ALMS1: variants seen among roughly 807,000 people sequenced by gnomAD.
ALMS1 encodes ALMS1 centrosome and basal body associated protein.
In ALMS1, 271 loss-of-function variants were observed where a neutral mutation model predicts 352.2. The ratio of observed to expected loss-of-function variants is 0.77; its 90% CI spans 0.70 to 0.85. ALMS1 has a LOEUF of 0.85. Ranked by LOEUF, ALMS1 falls within the 40% of genes least tolerant of loss-of-function variation. The pLI is 0.00. For missense variants in ALMS1, 5,445 were observed against 4,870.7 expected (o/e 1.12, Z -3.51); for synonymous variants, 1,865 against 1,761.2 (o/e 1.06, Z -1.48).
At chr2:73,461,893 G>A (rs1672211572) in intron 9 of ALMS1, among the ~76,000 whole-genome samples, 2 of 152,024 alleles carry the variant, frequency 1.3e-5, no homozygotes, top group Admixed American at 6.6e-5. Flanking sequence ...AGCGAGAAGG[G>A]AAGTTTAGAG....
At chr2:73,470,966 C>G (rs941043069) in intron 9 of ALMS1, 3 of 151,766 alleles carry the variant, frequency 2.0e-5, no homozygotes, top group Non-Finnish European at 2.9e-5. Context: ...TATTCCTTCA[C>G]TTTTAGCCTG....
intron 12 of ALMS1, among the ~76,000 whole-genome samples, chr2:73,544,575 G>A (rs1459407449): frequency 6.6e-6 from 1 of 152,166 alleles, no homozygotes; most frequent in Non-Finnish European, 1.5e-5. Context: ...CAGGGACATG[G>A]AGAAATTGGA....
chr2:73,446,283 G>A (rs2103767344), intron 7 of ALMS1, among the ~76,000 whole-genome samples: 1 of 152,068 alleles, frequency 6.6e-6, no homozygotes, highest in South Asian at 2.1e-4. Context: ...CCCATTCATG[G>A]TGTCACTAAT....
intron 9 of ALMS1, among the ~76,000 whole-genome samples, chr2:73,474,569 A>G (rs1672545147): frequency 6.6e-6 from 1 of 151,978 alleles, no homozygotes; most frequent in South Asian, 2.1e-4. Context: ...CCACCTCCCG[A>G]GCTCAAGCTA....
intron 9 of ALMS1, among the ~76,000 whole-genome samples, chr2:73,467,227 G>T (rs1457984654): frequency 6.6e-6 from 1 of 152,014 alleles, no homozygotes; most frequent in African/African-American, 2.4e-5. Flanking sequence ...AGGGTATTTC[G>T]GATACATATA....
chr2:73,550,506 C>T, intron 13 of ALMS1, 69 bp downstream of exon 13: 1 of 1,569,076 alleles, frequency 6.4e-7, no homozygotes, highest in Non-Finnish European at 8.7e-7. Flanking sequence ...GATTACTATC[C>T]AATCTTTATC....
At chr2:73,508,800 T>A (rs1673389410) in intron 10 of ALMS1, among the ~76,000 whole-genome samples, 1 of 152,196 alleles carries the variant, frequency 6.6e-6, no homozygotes, top group African/African-American at 2.4e-5. Flanking sequence ...CTCGTTGATT[T>A]GTCTAATATT....
intron 7 of ALMS1, among the ~76,000 whole-genome samples, chr2:73,436,321 C>T (rs982253290): frequency 2.6e-5 from 4 of 152,196 alleles, no homozygotes; most frequent in African/African-American, 4.8e-5. Context: ...CTTTGTCTTT[C>T]ACTTTCAGTA....
Position 73,572,286 on chromosome 2 carries a change from A to G in ALMS1, c.10409A>G (p.Glu3470Gly), listed in dbSNP as rs763958737. 6.2e-7 allele frequency: 1 copy of G among 1,607,956 alleles called. No individual in the cohort carries two copies. Among genetic ancestry groups the G allele is most frequent in the Non-Finnish European group, 8.5e-7 (1 of 1,178,408 alleles). The change falls in exon 16 of 23, where the codon GAA becomes GGA. Residue 3470 changes from glutamate (E) to glycine (G), a missense_variant. Transcript: ENST00000613296. ...IEESECHSEF[E>G]NTTRSVFRSA... Reference sequence around the variant, plus strand: ...GAGTCCGAATGTCATTCAGAATTTGAAAATACTACCCGTTCTGTCTTCAGG... The same window carrying G: ...GAGTCCGAATGTCATTCAGAATTTGGAAATACTACCCGTTCTGTCTTCAGG...
At chr2:73,486,614 T>G (rs10187416) in intron 9 of ALMS1, among the ~76,000 whole-genome samples, 55,106 of 152,132 alleles carry the variant, frequency 0.36, 13,357 homozygotes, top group African/African-American at 0.69. Flanking sequence ...GAAAACCCAG[T>G]GATTGCACCA....
At chr2:73,590,110 C>T (rs147232344) in intron 16 of ALMS1, among the ~76,000 whole-genome samples, 54 of 151,404 alleles carry the variant, frequency 3.6e-4, no homozygotes, top group African/African-American at 1.2e-3. Context: ...CTTTAATTTC[C>T]GTGGGAAGAG....
At position 73,448,697 on chromosome 2, in the gene ALMS1, AT is replaced by A. The variant is rs771459937; in HGVS notation, c.2176del (p.Tyr726ThrfsTer53). ...CCACTCACATAGAGAGAAGCCTGGT[AT>A]TTTTTACCAACAAGAGTTCGCAGAC... ...TPHSHREKPG[I>X]FYQQEFADSH... On this transcript the variant is annotated frameshift_variant, in exon 8 of 23. Transcript: ENST00000613296. LOFTEE classifies it high-confidence loss of function. 2 of 1,604,414 alleles carry A rather than the reference AT, an allele frequency of 1.2e-6. No homozygotes were observed. The highest frequency in any genetic ancestry group is 3.4e-5 in the Admixed American group (2 of 59,080).
At chr2:73,416,868 CAG>C (rs1671190762) in intron 2 of ALMS1, among the ~76,000 whole-genome samples, 1 of 152,116 alleles carries the variant, frequency 6.6e-6, no homozygotes, top group African/African-American at 2.4e-5. Context: ...GAGGCCAAGA[CAG>C]GGGAATCGCT....
Position 73,408,649 on chromosome 2 carries a change from C to G in ALMS1, c.352C>G (p.Gln118Glu), listed in dbSNP as rs758016217. ...TGTTCCATTGACCTGTCATGTATGGCAACAGATAGTATATCAAGGCAATAG... is the reference window on the plus strand; with the variant it reads ...TGTTCCATTGACCTGTCATGTATGGGAACAGATAGTATATCAAGGCAATAG... ...KIVPLTCHVW[Q>E]QIVYQGNSRT... The change falls in exon 2 of 23, where the codon CAA becomes GAA. Residue 118 changes from glutamine to glutamate, a missense_variant. Physicochemically the swap from Gln to Glu is conservative, Grantham distance 29. Coordinates refer to ENST00000613296, the MANE Select transcript of ALMS1 (RefSeq NM_001378454.1). 6.2e-7 allele frequency: 1 copy of G among 1,613,174 alleles called. No individual in the cohort carries two copies. Among genetic ancestry groups the G allele is most frequent in the African/African-American group, 1.3e-5 (1 of 74,854 alleles).
chr2:73,608,070 G>A (rs1233424510), intron 21 of ALMS1, among the ~76,000 whole-genome samples: 1 of 152,106 alleles, frequency 6.6e-6, no homozygotes, highest in African/African-American at 2.4e-5. Context: ...TTTTATAGGT[G>A]TGACCATTTT....
intron 10 of ALMS1, among the ~76,000 whole-genome samples, chr2:73,495,799 CCTTT>C (rs1448880508): frequency 2.6e-5 from 4 of 152,104 alleles, no homozygotes; most frequent in Non-Finnish European, 2.9e-5. Context: ...TAGCCTTTCC[CCTTT>C]CTTTATTTGT....
Position 73,557,271 on chromosome 2 carries a change from A to C in ALMS1, c.10130A>C (p.Lys3377Thr). The change falls in exon 14 of 23, where the codon AAA becomes ACA. Residue 3377 changes from lysine to threonine, a missense_variant. Lys to Thr is a moderately conservative substitution (Grantham distance 78, BLOSUM62 -1). Coordinates refer to ENST00000613296, the MANE Select transcript of ALMS1 (RefSeq NM_001378454.1). ...GGGGATGAGAACCTCTCAGACAAAA[A>C]ACAGCAAGAGATTCACAGTACAAGG... is the stretch of plus-strand genomic sequence containing the variant. ...ITGDENLSDK[K>T]QQEIHSTRAV... 1.9e-6 allele frequency: 3 copies of C among 1,614,162 alleles called. No individual in the cohort carries two copies. The highest frequency in any genetic ancestry group is 2.7e-5 in the African/African-American group (2 of 75,046).
chr2:73,402,922 A>G (rs1167218715), intron 1 of ALMS1, among the ~76,000 whole-genome samples: 5 of 152,022 alleles, frequency 3.3e-5, no homozygotes, highest in Non-Finnish European at 7.4e-5. Flanking sequence ...TTCTTTATAT[A>G]TTGTGGAAAC....
At chr2:73,427,341 G>A (rs995441207) in intron 6 of ALMS1, among the ~76,000 whole-genome samples, 8 of 152,138 alleles carry the variant, frequency 5.3e-5, no homozygotes, top group Non-Finnish European at 1.2e-4. Flanking sequence ...ACTGGCCAGT[G>A]TCTCTTCAAA....
Sources: allele counts gnomAD v4.1 joint callset (sites outside exome capture counted in the v4.1 genomes callset), GRCh38; gene constraint gnomAD v4.1.1; transcripts MANE v1.5; gene names NCBI Gene and HGNC (gene_info 2026-07-23, HGNC 2026-07-21).